SRFBP1: variants seen among roughly 807,000 people sequenced by gnomAD.
SRFBP1 encodes the protein serum response factor binding protein 1, also known as serum response factor-binding protein 1.
A neutral mutation model predicts 45.5 loss-of-function variants in SRFBP1; 47 were observed. The ratio of observed to expected loss-of-function variants is 1.03; its 90% CI spans 0.82 to 1.32. The LOEUF (loss-of-function observed/expected upper bound fraction) is 1.32. Ranked by LOEUF, SRFBP1 falls within the 40% of genes most tolerant of loss-of-function variation. The pLI, the probability that SRFBP1 is intolerant of heterozygous loss-of-function variation, is 0.00. For synonymous variants in SRFBP1, 203 were observed against 166.3 expected (o/e 1.22, Z -1.70); for missense variants, 621 against 484.6 (o/e 1.28, Z -2.64).
At position 122,004,352 on chromosome 5, in the gene SRFBP1, G is replaced by T. The variant is rs566742628; in HGVS notation, c.270+9682G>T. The stretch of plus-strand genomic sequence containing the variant: ...AATTTTTTTTTCATGTGGATATCCA[G>T]TTGTCCCAGTACTGTTTATTGAACA... On this transcript the variant is annotated intron_variant, in intron 4 of 7. Coordinates refer to ENST00000339397, the MANE Select transcript of SRFBP1 (RefSeq NM_152546.3). Among the ~76,000 whole-genome samples, 5 of 152,038 alleles carry T rather than the reference G, an allele frequency of 3.3e-5. No individual in the cohort carries two copies. The South Asian group carries it at 6.2e-4, about 19-fold the overall frequency.
Position 122,070,375 on chromosome 5 carries a change from T to C in SRFBP1, n.312-4940T>C, listed in dbSNP as rs544122271. 257 of 655,980 alleles carry C rather than the reference T, an allele frequency of 3.9e-4. 2 individuals carry two copies. Among genetic ancestry groups the C allele is most frequent in the Non-Finnish European group, 6.4e-4 (240 of 373,644 alleles). The allele number at this position is 655,980 out of a possible 1,614,324, so 40.6% of individuals were successfully genotyped here. A position where few individuals can be genotyped will look rare whatever the true frequency, so the allele number is the denominator to read the frequency against. ...AGATTAGATTAGATTAGATTGTTTA[T>C]AAATAGTTTGAGGATGTATAATTGC... On this transcript the variant is annotated intron_variant and non_coding_transcript_variant, in intron 2 of 2. Coordinates refer to the SRFBP1 transcript ENST00000504881.
Position 122,020,396 on chromosome 5 carries a change from A to T in SRFBP1, c.661A>T (p.Thr221Ser), listed in dbSNP as rs1457076087. The change falls in exon 6 of 8, where the codon ACA becomes TCA. Residue 221 changes from threonine to serine, a missense_variant. By Grantham distance (58) the Thr-to-Ser change is moderately conservative. Transcript: ENST00000339397. Reference sequence around the variant, plus strand: ...TGTAGTTTCCCTTGAGTCCCAGAAGACACCTGCTGACCCAAAACTGAAAAC... The same window carrying T: ...TGTAGTTTCCCTTGAGTCCCAGAAGTCACCTGCTGACCCAAAACTGAAAAC... ...DSVVSLESQK[T>S]PADPKLKTLS... 3 of 1,614,008 alleles carry T rather than the reference A, an allele frequency of 1.9e-6. No homozygotes were observed. The highest frequency in any genetic ancestry group is 2.5e-6 in the Non-Finnish European group (3 of 1,180,008).
At chr5:121,982,477 G>A (rs932840547) in intron 3 of SRFBP1, among the ~76,000 whole-genome samples, 2 of 151,840 alleles carry the variant, frequency 1.3e-5, no homozygotes, top group Non-Finnish European at 2.9e-5. Flanking sequence ...TAGGAGTCAT[G>A]ATTTTCATTG....
At chr5:122,016,146 G>A (rs1753190279) in intron 4 of SRFBP1, among the ~76,000 whole-genome samples, 1 of 152,144 alleles carries the variant, frequency 6.6e-6, no homozygotes, top group Non-Finnish European at 1.5e-5. Context: ...ATCTGCTATT[G>A]ATATGTCCTC....
chr5:121,991,357 A>G (rs1002346319), intron 3 of SRFBP1, among the ~76,000 whole-genome samples: 10 of 152,202 alleles, frequency 6.6e-5, no homozygotes, highest in African/African-American at 2.4e-4. Context: ...CCCTTAAAAA[A>G]TAGATATTGT....
At chr5:122,017,926 C>T (rs1198466948) in intron 4 of SRFBP1, among the ~76,000 whole-genome samples, 2 of 152,224 alleles carry the variant, frequency 1.3e-5, no homozygotes, top group Admixed American at 1.3e-4. Flanking sequence ...TTACCAGTCA[C>T]TATTCTAGGC....
At chr5:122,077,199 G>T, downstream of SRFBP1, 2 of 1,474,088 alleles carry the variant, frequency 1.4e-6, no homozygotes, top group Non-Finnish European at 1.8e-6. The surrounding 1 kb of genome is among the most constrained non-coding windows in gnomAD (Gnocchi z 4.9). Context: ...CAGACGCGCG[G>T]TTTGCACTGG....
intron 2 of SRFBP1, among the ~76,000 whole-genome samples, chr5:122,044,175 A>G (rs962655254): frequency 5.9e-5 from 9 of 152,154 alleles, no homozygotes; most frequent in Non-Finnish European, 1.3e-4. Flanking sequence ...CATTGCTTCA[A>G]AGGACTTGAT....
chr5:121,972,838 T>G (rs1475128465), intron 1 of SRFBP1, among the ~76,000 whole-genome samples: 2 of 151,792 alleles, frequency 1.3e-5, no homozygotes, highest in Non-Finnish European at 3.0e-5. Flanking sequence ...GCCATGGAAG[T>G]GGATGGCTGA....
At chr5:121,979,782 A>G (rs1322751858) in intron 3 of SRFBP1, among the ~76,000 whole-genome samples, 1 of 152,112 alleles carries the variant, frequency 6.6e-6, no homozygotes, top group Non-Finnish European at 1.5e-5. Context: ...TCTCCAAATG[A>G]GGAAGTCTGG....
At chr5:122,029,039 A>G (rs1753550105), downstream of SRFBP1, among the ~76,000 whole-genome samples, 1 of 151,832 alleles carries the variant, frequency 6.6e-6, no homozygotes, top group Admixed American at 6.6e-5. Context: ...AAGAGCCATT[A>G]GTCTAGGGCA....
chr5:122,074,360 G>C (rs945023704), intron 2 of SRFBP1, among the ~76,000 whole-genome samples: 25 of 151,982 alleles, frequency 1.6e-4, no homozygotes, highest in African/African-American at 5.8e-4. Context: ...AAAATTGTAA[G>C]GTTTAACTTT....
chr5:121,976,065 A>T (rs1752296482), intron 3 of SRFBP1, among the ~76,000 whole-genome samples: 2 of 152,016 alleles, frequency 1.3e-5, no homozygotes, highest in Non-Finnish European at 2.9e-5. Flanking sequence ...TTTTGCATGC[A>T]TGTTTGCCTA....
At chr5:122,024,776 C>T (rs990092818) in intron 7 of SRFBP1, among the ~76,000 whole-genome samples, 3 of 152,184 alleles carry the variant, frequency 2.0e-5, no homozygotes, top group Admixed American at 6.5e-5. Context: ...CCTACATTTT[C>T]ACAATGAGAC....
chr5:122,032,496 A>G (rs764463262), downstream of SRFBP1, among the ~76,000 whole-genome samples: 7 of 151,602 alleles, frequency 4.6e-5, no homozygotes, highest in Non-Finnish European at 7.4e-5. Context: ...TTCTTACCTC[A>G]TATTCTTTCT....
chr5:122,008,994 G>A (rs76182223), intron 4 of SRFBP1, among the ~76,000 whole-genome samples: 6,746 of 152,138 alleles, frequency 0.044, 175 homozygotes, highest in African/African-American at 0.06. Context: ...TCACACATAC[G>A]TTCAATTTAG....
chr5:121,976,942 T>G (rs1752314138), intron 3 of SRFBP1, among the ~76,000 whole-genome samples: 1 of 151,738 alleles, frequency 6.6e-6, no homozygotes, highest in Non-Finnish European at 1.5e-5. Flanking sequence ...AACTTGTATG[T>G]GGTGTATGAA....
chr5:121,977,134 G>T lies in SRFBP1; in HGVS notation c.198+1747G>T, dbSNP rs139246787. 1.1e-3 allele frequency among the ~76,000 whole-genome samples: 170 copies of T among 152,096 alleles called. 1 individual carries two copies. The East Asian group carries it at 0.026, about 24-fold the overall frequency. The stretch of plus-strand genomic sequence containing the variant: ...TCTGATTCAGTGATAAAGTTTGTAG[G>T]TTTACAAGATTACCACATCACTATC... On this transcript the variant is annotated intron_variant, in intron 3 of 7. Coordinates refer to ENST00000339397, the MANE Select transcript of SRFBP1 (RefSeq NM_152546.3).
intron 2 of SRFBP1, among the ~76,000 whole-genome samples, chr5:122,062,120 A>G (rs1023211663): frequency 2.0e-5 from 3 of 151,946 alleles, no homozygotes; most frequent in African/African-American, 7.2e-5. Flanking sequence ...GCTAAAAAGT[A>G]TTGTGAATCT....
Sources: gnomAD v4.1 joint callset for allele counts (sites outside exome capture counted in the v4.1 genomes callset) on GRCh38, gnomAD v4.1.1 for gene constraint, Gnocchi (gnomAD v3.1) non-coding constraint, MANE v1.5 for transcripts, NCBI Gene and HGNC (gene_info 2026-07-23, HGNC 2026-07-21) for gene names.